The following TRIP4 variants were observed in gnomAD, a reference collection of about 807,000 sequenced individuals.
TRIP4 encodes the protein thyroid hormone receptor interactor 4.
TRIP4 carries 54 observed loss-of-function variants against 81.8 expected under a neutral mutation model. The observed-to-expected ratio is 0.66, with a 90% CI of 0.53 to 0.83. The LOEUF is 0.83. TRIP4 is among the 40% of genes least tolerant of loss of function. The probability of loss-of-function intolerance (pLI) is 0.00; values close to 1 mark genes in which losing one functional copy is unlikely to be tolerated. For missense variants in TRIP4, 662 were observed against 683.6 expected, an observed-to-expected ratio of 0.97 and a Z score of 0.35; for synonymous variants, 270 against 242.8, an observed-to-expected ratio of 1.11 and a Z score of -1.04.
intron 11 of TRIP4, among the ~76,000 whole-genome samples, chr15:64,431,845 A>ATTTTTTTTTTTTTTTTTTT (rs1237735745): frequency 8.8e-5 from 2 of 22,726 alleles, no homozygotes; most frequent in Admixed American, 6.7e-4. Flanking sequence ...ATATATATAT[A>ATTTTTTTTTTTTTTTTTTT]TATTTTTTTT....
rs1892596096 is a variant in TRIP4, at chr15:64,445,097, A to G, written c.1667A>G (p.Asn556Ser). ...EMVVKFPIKGNPKIWKLDSKI... is the reference protein window; with the variant it reads ...EMVVKFPIKGSPKIWKLDSKI... The stretch of plus-strand genomic sequence containing the variant: ...GTTGTGAAGTTTCCTATTAAAGGAA[A>G]TCCAAAAATCTGTAAGTCATGATTT... Residue 556 changes from asparagine to serine, a missense_variant, in exon 12 of 13, where the codon AAT becomes AGT. Coordinates refer to ENST00000261884, the MANE Select transcript of TRIP4 (RefSeq NM_016213.5). The G allele has an allele frequency of 6.3e-7, 1 of 1,590,070 alleles. No individual in the cohort carries two copies. Among genetic ancestry groups the G allele is most frequent in the African/African-American group, 1.4e-5 (1 of 73,874 alleles).
At chr15:64,414,765 C>T (rs1173700905) in intron 8 of TRIP4, among the ~76,000 whole-genome samples, 1 of 151,924 alleles carries the variant, frequency 6.6e-6, no homozygotes, top group Non-Finnish European at 1.5e-5. Flanking sequence ...GATCTACCTG[C>T]CTCAACCTCC....
At chr15:64,412,884 A>G (rs1303879805) in intron 7 of TRIP4, among the ~76,000 whole-genome samples, 1 of 152,206 alleles carries the variant, frequency 6.6e-6, no homozygotes, top group African/African-American at 2.4e-5. Context: ...AATGAAAATC[A>G]TCACATTCTT....
chr15:64,407,174 G>A (rs1029742322), intron 6 of TRIP4, among the ~76,000 whole-genome samples: 2 of 152,060 alleles, frequency 1.3e-5, no homozygotes, highest in Non-Finnish European at 2.9e-5. Flanking sequence ...TGAATCTCTT[G>A]TAACCTGAGA....
chr15:64,428,660 A>G (rs1193470226), intron 11 of TRIP4, among the ~76,000 whole-genome samples: 2 of 152,006 alleles, frequency 1.3e-5, no homozygotes, highest in Non-Finnish European at 2.9e-5. Flanking sequence ...CCAGGCTGGA[A>G]TGCAGTGGTG....
At chr15:64,415,277 C>G (rs1891869186) in intron 8 of TRIP4, among the ~76,000 whole-genome samples, 1 of 152,036 alleles carries the variant, frequency 6.6e-6, no homozygotes, top group African/African-American at 2.4e-5. Flanking sequence ...ACAACACATA[C>G]AAAGGCTCAG....
intron 5 of TRIP4, among the ~76,000 whole-genome samples, chr15:64,401,261 A>G (rs971059307): frequency 6.6e-6 from 1 of 152,018 alleles, no homozygotes; most frequent in Non-Finnish European, 1.5e-5. Flanking sequence ...CAGCCTGCCA[A>G]GTAGCTGGGA....
chr15:64,432,651 C>A (rs1892303890), intron 11 of TRIP4, among the ~76,000 whole-genome samples: 1 of 151,420 alleles, frequency 6.6e-6, no homozygotes, highest in Admixed American at 6.6e-5. Flanking sequence ...GTGACTCACA[C>A]CTTTAATCCC....
intron 10 of TRIP4, 31 bp from the exon 11 acceptor site, chr15:64,425,509 T>C: frequency 1.3e-6 from 2 of 1,564,912 alleles, no homozygotes; most frequent in Non-Finnish European, 8.7e-7. Flanking sequence ...AGAAGGAAAT[T>C]TATTCAATAT....
intron 1 of TRIP4, among the ~76,000 whole-genome samples, chr15:64,392,496 T>C (rs1900164651): frequency 6.6e-6 from 1 of 152,018 alleles, no homozygotes; most frequent in South Asian, 2.1e-4. Context: ...GGGGTGTGTG[T>C]ATGTGTGTGT....
intron 1 of TRIP4, among the ~76,000 whole-genome samples, chr15:64,389,655 G>C (rs1900058610): frequency 6.6e-6 from 1 of 150,670 alleles, no homozygotes; most frequent in Non-Finnish European, 1.5e-5. Context: ...ATGAAACTTT[G>C]CAATATATAA....
In TRIP4 at chr15:64,414,206, C is replaced by T. The variant is rs144077712; in HGVS notation, c.1165C>T (p.Pro389Ser). 6.2e-4 allele frequency: 997 copies of T among 1,613,836 alleles called. 3 individuals carry two copies. The highest frequency in any genetic ancestry group is 8.9e-4 in the South Asian group (81 of 91,056). Residue 389 changes from proline to serine, a missense_variant, in exon 8 of 13, where the codon CCC becomes TCC. Pro to Ser is a moderately conservative substitution (Grantham distance 74, BLOSUM62 -1). Coordinates refer to ENST00000261884, the MANE Select transcript of TRIP4 (RefSeq NM_016213.5). ...LVNPNMYQSP[P>S]QWVDHTGAAS... ...AAATCCCAACATGTACCAGTCCCCT[C>T]CCCAGGTTAGTGGACCTTTGCTCTA...
intron 12 of TRIP4, among the ~76,000 whole-genome samples, chr15:64,446,163 A>G (rs967152889): frequency 4.0e-5 from 6 of 151,370 alleles, no homozygotes; most frequent in African/African-American, 1.5e-4. Flanking sequence ...AATCCCAGCT[A>G]CTCGGGAGGC....
intron 9 of TRIP4, 126 bp from the exon 10 acceptor site, chr15:64,423,905 G>T: frequency 9.2e-7 from 1 of 1,089,050 alleles, no homozygotes; most frequent in South Asian, 1.6e-5. Context: ...TACTGCTCTT[G>T]AGAAGGCATC....
chr15:64,400,860 G>C, intron 5 of TRIP4, 39 bp downstream of exon 5: 2 of 1,520,132 alleles, frequency 1.3e-6, no homozygotes, highest in Non-Finnish European at 1.8e-6. Context: ...TGGGATGATG[G>C]GTACCTTGTT....
intron 11 of TRIP4, among the ~76,000 whole-genome samples, chr15:64,442,524 A>G (rs139121162): frequency 0.013 from 1,981 of 151,790 alleles, 33 homozygotes; most frequent in African/African-American, 0.046. Flanking sequence ...GGCTCAAGCA[A>G]TCCTCCTGCC....
At chr15:64,451,684 A>T (rs144585868) in intron 12 of TRIP4, among the ~76,000 whole-genome samples, 1,954 of 134,338 alleles carry the variant, frequency 0.015, 33 homozygotes, top group African/African-American at 0.052. Context: ...TTTGAGTTTT[A>T]CTCTTGTTGC....
intron 9 of TRIP4, among the ~76,000 whole-genome samples, chr15:64,420,754 G>A (rs143039155): frequency 0.017 from 2,518 of 151,404 alleles, 66 homozygotes; most frequent in African/African-American, 0.058. Flanking sequence ...GGATGGTCTC[G>A]ATCTCCTGAT....
intron 4 of TRIP4, 32 bp downstream of exon 4, chr15:64,397,850 G>A: frequency 6.2e-7 from 1 of 1,607,846 alleles, no homozygotes; most frequent in African/African-American, 1.3e-5. Flanking sequence ...TTATTTTACT[G>A]TGCTTTGTGT....
Sources: allele counts gnomAD v4.1 joint callset (sites outside exome capture counted in the v4.1 genomes callset), GRCh38; gene constraint gnomAD v4.1.1; transcripts MANE v1.5; gene names NCBI Gene and HGNC (gene_info 2026-07-23, HGNC 2026-07-21).